The following DMD variants were observed in gnomAD, a reference collection of about 807,000 sequenced individuals.
The protein encoded by DMD is dystrophin.
In DMD, 63 loss-of-function variants were observed where a neutral mutation model predicts 330.1. The observed-to-expected ratio is 0.19, with a 90% confidence interval of 0.16 to 0.24. The LOEUF is 0.24. Ranked by LOEUF, DMD falls within the 10% of genes least tolerant of loss-of-function variation. The probability of loss-of-function intolerance (pLI) is 1.00; values close to 1 mark genes in which losing one functional copy is unlikely to be tolerated. For missense variants in DMD, 3,344 were observed against 2,684.1 expected (o/e 1.25, Z -5.43); for synonymous variants, 1,223 against 959.8 (o/e 1.27, Z -5.07).
chrX:32,160,434 C>T (rs2096845420), intron 44 of DMD, among the ~76,000 whole-genome samples: 1 of 109,794 alleles, frequency 9.1e-6, no homozygotes, highest in African/African-American at 3.3e-5. Context: ...GGGGTTTTAC[C>T]ACGTTGGCCA....
intron 44 of DMD, among the ~76,000 whole-genome samples, chrX:32,122,137 C>T (rs1000905762): frequency 2.7e-5 from 3 of 111,306 alleles, no homozygotes; most frequent in Admixed American, 9.6e-5. Context: ...CAGAAGGGGG[C>T]TTTCTAAAAT....
rs2098314738 is a variant in DMD, at chrX:32,448,505, T to C, written c.3737A>G (p.Asn1246Ser). Residue 1246 changes from asparagine (N) to serine (S), a missense_variant, in exon 27 of 79, where the codon AAC becomes AGC. Transcript: ENST00000357033. ...LKKELETLTT[N>S]YQWLCTRLNG... Reference sequence around the variant, plus strand: ...CAGCCTAGTGCAGAGCCACTGGTAGTTGGTGGTTAGAGTTTCAAGTTCCTT... The same window carrying C: ...CAGCCTAGTGCAGAGCCACTGGTAGCTGGTGGTTAGAGTTTCAAGTTCCTT... 1 of 1,208,674 alleles carries C rather than the reference T, an allele frequency of 8.3e-7. No individual in the cohort carries two copies. Among genetic ancestry groups the C allele is most frequent in the Non-Finnish European group, 1.1e-6 (1 of 893,329 alleles).
At chrX:31,928,775 A>G (rs953572567) in intron 47 of DMD, among the ~76,000 whole-genome samples, 2 of 112,024 alleles carry the variant, frequency 1.8e-5, no homozygotes, top group Non-Finnish European at 3.8e-5. Flanking sequence ...TTCACTTTAA[A>G]TGAGTTTAAT....
chrX:31,890,824 C>T (rs1461845718), intron 47 of DMD, among the ~76,000 whole-genome samples: 1 of 111,676 alleles, frequency 9.0e-6, no homozygotes, highest in Non-Finnish European at 1.9e-5. Context: ...AAAACCACCA[C>T]ACTGAAAAGA....
In DMD at chrX:33,149,949, G is replaced by A. The variant is rs150387790; in HGVS notation, c.31+61333C>T. Among the ~76,000 whole-genome samples, 316 of 111,514 alleles carry A rather than the reference G, an allele frequency of 2.8e-3. 1 individual carries two copies. The highest frequency in any genetic ancestry group is 9.7e-3 in the African/African-American group (298 of 30,715). On this transcript the variant is annotated intron_variant, in intron 1 of 78. Transcript: ENST00000357033. ...AATTGTTACTCAGCAATAGATAACC[G>A]GAACATAGCAAGAATCAACTGTGAT...
intron 11 of DMD, among the ~76,000 whole-genome samples, chrX:32,639,837 C>T (rs192943306): frequency 9.1e-6 from 1 of 110,212 alleles, no homozygotes; most frequent in East Asian, 2.8e-4. Context: ...ACAAAATAAC[C>T]ACAGCTATAC....
At chrX:32,056,146 T>A (rs1266823121) in intron 44 of DMD, among the ~76,000 whole-genome samples, 1 of 110,481 alleles carries the variant, frequency 9.1e-6, no homozygotes, top group Non-Finnish European at 1.9e-5. Flanking sequence ...AAATAATTAA[T>A]TTTTGAGTAT....
At chrX:31,528,596 C>T (rs971492710) in intron 55 of DMD, among the ~76,000 whole-genome samples, 5 of 112,405 alleles carry the variant, frequency 4.4e-5, no homozygotes, top group African/African-American at 9.7e-5. Context: ...GCACTCGAGG[C>T]GCTCAATAAA....
At chrX:32,785,704 A>AT (rs757740355) in intron 7 of DMD, among the ~76,000 whole-genome samples, 18 of 111,501 alleles carry the variant, frequency 1.6e-4, no homozygotes, top group East Asian at 2.8e-4. Flanking sequence ...AATATTCCAT[A>AT]TTTTTTAACT....
intron 47 of DMD, among the ~76,000 whole-genome samples, chrX:31,893,478 G>A (rs1282519024): frequency 9.1e-6 from 1 of 109,371 alleles, no homozygotes; most frequent in Non-Finnish European, 1.9e-5. Context: ...TGCATATCAC[G>A]CAACCCTATT....
chrX:31,464,313 T>C (rs7064141), intron 59 of DMD, among the ~76,000 whole-genome samples: 11,450 of 111,649 alleles, frequency 0.1, 456 homozygotes, highest in East Asian at 0.2. Context: ...TTCTAGCTCC[T>C]TCTTTTATCA....
chrX:32,745,661 T>C (rs992348133), intron 7 of DMD, among the ~76,000 whole-genome samples: 2 of 112,178 alleles, frequency 1.8e-5, no homozygotes, highest in African/African-American at 6.5e-5. Flanking sequence ...TATACTGGTG[T>C]TTCTATTATT....
At chrX:32,291,383 C>A (rs1469368394) in intron 42 of DMD, among the ~76,000 whole-genome samples, 1 of 112,083 alleles carries the variant, frequency 8.9e-6, no homozygotes, top group Non-Finnish European at 1.9e-5. Flanking sequence ...AATACTTCAG[C>A]ATTTTTCTCT....
chrX:32,344,300 T>G (rs2097757171), intron 39 of DMD, among the ~76,000 whole-genome samples: 1 of 111,929 alleles, frequency 8.9e-6, no homozygotes, highest in African/African-American at 3.2e-5. Flanking sequence ...AATTTTGACC[T>G]TCTCTAAAAT....
At chrX:32,867,427 A>T (rs1001593486) in intron 2 of DMD, among the ~76,000 whole-genome samples, 4 of 112,132 alleles carry the variant, frequency 3.6e-5, no homozygotes, top group African/African-American at 1.3e-4. Flanking sequence ...AGAGTTGACA[A>T]TTTTTTTCTT....
chrX:32,568,651 TA>T (rs2052042194), intron 15 of DMD, among the ~76,000 whole-genome samples: 1 of 111,996 alleles, frequency 8.9e-6, no homozygotes. Flanking sequence ...TTATACCTAG[TA>T]AATTTTAGAT....
chrX:31,643,382 T>A (rs747405818), intron 54 of DMD, among the ~76,000 whole-genome samples: 32 of 111,754 alleles, frequency 2.9e-4, no homozygotes, highest in East Asian at 2.5e-3. Context: ...GGCACTTTTT[T>A]AAAACTTTTC....
chrX:32,117,553 C>T lies in DMD; in HGVS notation c.6438+99363G>A, dbSNP rs1259815926. Among the ~76,000 whole-genome samples the T allele has an allele frequency of 3.6e-5, 4 of 111,845 alleles. No individual in the cohort carries two copies. In the East Asian group the frequency reaches 1.1e-3, roughly 32 times the overall value. ...AGATCCTTCATAAATCTTCTTACTGCCATGCTCATGTTTTTAACCCCTTCC... is the reference window on the plus strand; with the variant it reads ...AGATCCTTCATAAATCTTCTTACTGTCATGCTCATGTTTTTAACCCCTTCC... On this transcript the variant is annotated intron_variant, in intron 44 of 78. Coordinates refer to ENST00000357033, the MANE Select transcript of DMD (RefSeq NM_004006.3).
At chrX:32,511,299 G>A (rs1481011018) in intron 18 of DMD, among the ~76,000 whole-genome samples, 1 of 110,130 alleles carries the variant, frequency 9.1e-6, no homozygotes, top group East Asian at 2.9e-4. Flanking sequence ...CAAGGCAGGT[G>A]GATCACAAGG....
Sources: allele counts gnomAD v4.1 joint callset (sites outside exome capture counted in the v4.1 genomes callset), GRCh38; gene constraint gnomAD v4.1.1; transcripts MANE v1.5; gene names NCBI Gene and HGNC (gene_info 2026-07-23, HGNC 2026-07-21).